Variants in NDUFAF2 observed in about 807,000 individuals in gnomAD.
The protein encoded by NDUFAF2 is NADH dehydrogenase [ubiquinone] 1 alpha subcomplex assembly factor 2.
NDUFAF2 carries 13 observed loss-of-function variants against 22.8 expected under a neutral mutation model. The ratio of observed to expected loss-of-function variants is 0.57; its 90% CI spans 0.37 to 0.91. The LOEUF (loss-of-function observed/expected upper bound fraction) is 0.91. Among genes scored for constraint, NDUFAF2 ranks in the 40% least tolerant of loss-of-function variants. NDUFAF2 has a pLI of 0.01. For missense variants in NDUFAF2, 162 were observed against 195.2 expected, an observed-to-expected ratio of 0.83 and a Z score of 1.01; for synonymous variants, 53 against 64.2, an observed-to-expected ratio of 0.83 and a Z score of 0.84.
At position 61,076,616 on chromosome 5, in the gene NDUFAF2, G is replaced by A. The variant is rs187331078; in HGVS notation, c.217+3402G>A. On this transcript the variant is annotated intron_variant, in intron 2 of 3. Coordinates refer to ENST00000296597, the MANE Select transcript of NDUFAF2 (RefSeq NM_174889.5). ...GAGTTAATAGGATTGTGAATCTGGGGGGCCTTGTAGGCCATTTTAAAGACT... is the reference window on the plus strand; with the variant it reads ...GAGTTAATAGGATTGTGAATCTGGGAGGCCTTGTAGGCCATTTTAAAGACT... Among the ~76,000 whole-genome samples, 127 of 152,298 alleles carry A rather than the reference G, an allele frequency of 8.3e-4. 1 individual carries two copies. In the South Asian group the frequency reaches 0.014, roughly 16 times the overall value.
At chr5:61,049,837 CACAT>C (rs943485394) in intron 1 of NDUFAF2, among the ~76,000 whole-genome samples, 3 of 151,184 alleles carry the variant, frequency 2.0e-5, no homozygotes, top group Admixed American at 6.6e-5. Context: ...TATAAATACA[CACAT>C]ACACAATGAA....
At chr5:61,097,516 A>T (rs1023944716) in intron 2 of NDUFAF2, among the ~76,000 whole-genome samples, 3 of 144,944 alleles carry the variant, frequency 2.1e-5, no homozygotes, top group African/African-American at 7.3e-5. Context: ...AGTCAGTGAC[A>T]GTCTGTGCCT....
At chr5:61,022,933 C>G (rs1442788902) in intron 1 of NDUFAF2, among the ~76,000 whole-genome samples, 1 of 152,236 alleles carries the variant, frequency 6.6e-6, no homozygotes, top group African/African-American at 2.4e-5. Context: ...GCGTGAACCA[C>G]CATGCCCGGC....
intron 2 of NDUFAF2, among the ~76,000 whole-genome samples, chr5:61,086,331 A>G (rs935214268): frequency 1.3e-5 from 2 of 152,168 alleles, no homozygotes; most frequent in African/African-American, 4.8e-5. Flanking sequence ...TAAATTTTGT[A>G]TTAAAATACA....
At chr5:60,986,593 C>T (rs1020153799) in intron 1 of NDUFAF2, among the ~76,000 whole-genome samples, 7 of 151,198 alleles carry the variant, frequency 4.6e-5, no homozygotes, top group Admixed American at 4.6e-4. Flanking sequence ...TAGCAGAAGA[C>T]AAAAAAAATA....
intron 1 of NDUFAF2, among the ~76,000 whole-genome samples, chr5:61,043,110 C>A (rs1338416300): frequency 1.3e-5 from 2 of 152,042 alleles, no homozygotes; most frequent in Non-Finnish European, 2.9e-5. Context: ...ATCACAGGTA[C>A]CCAGGAGGCT....
At chr5:61,077,872 T>C (rs1386489116) in intron 2 of NDUFAF2, among the ~76,000 whole-genome samples, 1 of 152,210 alleles carries the variant, frequency 6.6e-6, no homozygotes, top group African/African-American at 2.4e-5. Flanking sequence ...CTTCTAATTC[T>C]TACTAATGAA....
chr5:61,016,877 A>G (rs973595111), intron 1 of NDUFAF2, among the ~76,000 whole-genome samples: 1 of 152,160 alleles, frequency 6.6e-6, no homozygotes, highest in Admixed American at 6.5e-5. Context: ...CCCTTGATGT[A>G]TCTGGGATAT....
intron 1 of NDUFAF2, among the ~76,000 whole-genome samples, chr5:61,033,009 A>T (rs1330882219): frequency 6.6e-6 from 1 of 152,062 alleles, no homozygotes; most frequent in African/African-American, 2.4e-5. Context: ...GGCCATTTTC[A>T]TGATATTGAG....
At chr5:61,094,800 G>T (rs764429317) in intron 2 of NDUFAF2, among the ~76,000 whole-genome samples, 1 of 152,196 alleles carries the variant, frequency 6.6e-6, no homozygotes, top group South Asian at 2.1e-4. Context: ...ACCAATGAAG[G>T]CTGCGAAACA....
At chr5:60,975,949 C>T (rs1270087309) in intron 1 of NDUFAF2, among the ~76,000 whole-genome samples, 2 of 152,200 alleles carry the variant, frequency 1.3e-5, no homozygotes, top group African/African-American at 4.8e-5. Context: ...AAATTATAAT[C>T]AGCGTTGCAA....
Position 61,121,941 on chromosome 5 carries a change from G to A in NDUFAF2, c.258+22909G>A, listed in dbSNP as rs201670253. ...TGCCTCCCAGGTTCAAGCAATTCCC[G>A]TGCCTCAGCCTCCCAAAAAGCTGGG... On this transcript the variant is annotated intron_variant, in intron 3 of 3. Transcript: ENST00000296597. Among the ~76,000 whole-genome samples, 16 of 150,116 alleles carry A rather than the reference G, an allele frequency of 1.1e-4. No individual in the cohort carries two copies. In the East Asian group the frequency reaches 3.2e-3, roughly 30 times the overall value.
chr5:60,996,086 G>C (rs10077508), intron 1 of NDUFAF2, among the ~76,000 whole-genome samples: 7,163 of 152,162 alleles, frequency 0.047, 573 homozygotes, highest in African/African-American at 0.16. Context: ...TGCCATCCAA[G>C]AGCCAAGTCA....
chr5:61,075,354 A>G (rs1392325766), intron 2 of NDUFAF2, among the ~76,000 whole-genome samples: 1 of 152,176 alleles, frequency 6.6e-6, no homozygotes, highest in African/African-American at 2.4e-5. Context: ...AAAAACCATA[A>G]AAATAAGTAG....
intron 1 of NDUFAF2, among the ~76,000 whole-genome samples, chr5:60,965,682 T>C (rs184737879): frequency 6.6e-6 from 1 of 152,356 alleles, no homozygotes; most frequent in East Asian, 1.9e-4. Context: ...ATTCATGTTG[T>C]CATAAATGGC....
At chr5:61,059,588 A>C (rs1752139431) in intron 1 of NDUFAF2, among the ~76,000 whole-genome samples, 3 of 152,082 alleles carry the variant, frequency 2.0e-5, no homozygotes, top group Admixed American at 2.0e-4. Flanking sequence ...GAAAAGCTAA[A>C]TCATATTATA....
chr5:61,030,921 T>C (rs1334629077), intron 1 of NDUFAF2, among the ~76,000 whole-genome samples: 1 of 152,160 alleles, frequency 6.6e-6, no homozygotes, highest in Non-Finnish European at 1.5e-5. Flanking sequence ...TCAACACCTA[T>C]TTCTCTTTTA....
At chr5:60,989,075 A>C (rs1465537420) in intron 1 of NDUFAF2, among the ~76,000 whole-genome samples, 2 of 152,100 alleles carry the variant, frequency 1.3e-5, no homozygotes. Flanking sequence ...ATTAAAATTA[A>C]ACAAATTTTA....
chr5:61,084,519 C>T (rs1339044809), intron 2 of NDUFAF2, among the ~76,000 whole-genome samples: 5 of 152,088 alleles, frequency 3.3e-5, no homozygotes, highest in African/African-American at 1.2e-4. Context: ...TACTTTTTGT[C>T]CCTATGAATC....
Sources: allele counts gnomAD v4.1 joint callset (sites outside exome capture counted in the v4.1 genomes callset), GRCh38; gene constraint gnomAD v4.1.1; transcripts MANE v1.5; gene names NCBI Gene and HGNC (gene_info 2026-07-23, HGNC 2026-07-21).